Variants in RTKN2 observed in about 807,000 individuals in gnomAD.
The protein encoded by RTKN2 is rhotekin-2.
In RTKN2, 69 loss-of-function variants were observed where a neutral mutation model predicts 71.5. The ratio of observed to expected loss-of-function variants is 0.96; its 90% CI spans 0.79 to 1.18. RTKN2 has a LOEUF of 1.18. Among genes scored for constraint, RTKN2 ranks in the 50% most tolerant of loss-of-function variants. The pLI, the probability that RTKN2 is intolerant of heterozygous loss-of-function variation, is 0.00. For missense variants in RTKN2, 724 were observed against 719.7 expected, an observed-to-expected ratio of 1.01 and a Z score of -0.07; for synonymous variants, 236 against 236.5, an observed-to-expected ratio of 1.00 and a Z score of 0.02.
downstream of RTKN2, among the ~76,000 whole-genome samples, chr10:62,192,553 G>A (rs181954084): frequency 1.7e-4 from 26 of 152,276 alleles, no homozygotes; most frequent in Middle Eastern, 3.4e-3. Context: ...GGAAATTATC[G>A]TGGTGGGCAT....
intron 6 of RTKN2, among the ~76,000 whole-genome samples, chr10:62,232,951 GAAGT>G (rs1248784622): frequency 6.6e-6 from 1 of 152,096 alleles, no homozygotes; most frequent in Non-Finnish European, 1.5e-5. Flanking sequence ...TTGGGTCACA[GAAGT>G]AATAAATTAC....
intron 6 of RTKN2, among the ~76,000 whole-genome samples, chr10:62,229,810 A>C (rs978280981): frequency 1.1e-4 from 16 of 152,204 alleles, no homozygotes; most frequent in African/African-American, 3.9e-4. Flanking sequence ...ATTGTGACTA[A>C]GACATCTTTT....
At chr10:62,257,528 T>C (rs1414505653) in intron 2 of RTKN2, among the ~76,000 whole-genome samples, 1 of 152,210 alleles carries the variant, frequency 6.6e-6, no homozygotes. Flanking sequence ...CACTTCAGTG[T>C]AAGCAAACAC....
chr10:62,234,011 G>T (rs904804261), intron 6 of RTKN2, among the ~76,000 whole-genome samples: 1 of 152,108 alleles, frequency 6.6e-6, no homozygotes, highest in African/African-American at 2.4e-5. Flanking sequence ...TTTAAAGAAG[G>T]TATCTGAAGG....
At chr10:62,190,247 A>G (rs183902712), downstream of RTKN2, among the ~76,000 whole-genome samples, 106 of 152,280 alleles carry the variant, frequency 7.0e-4, no homozygotes, top group Middle Eastern at 3.4e-3. Flanking sequence ...CCTTGGTCTC[A>G]ATGCTTTTTT....
chr10:62,242,491 T>C (rs1370799195), intron 3 of RTKN2, among the ~76,000 whole-genome samples: 7 of 152,220 alleles, frequency 4.6e-5, no homozygotes, highest in African/African-American at 1.7e-4. Context: ...AATTAGTTAT[T>C]GTTGATTTTA....
chr10:62,225,999 G>A (rs1312454142), intron 6 of RTKN2, among the ~76,000 whole-genome samples: 2 of 152,132 alleles, frequency 1.3e-5, no homozygotes, highest in South Asian at 4.2e-4. Context: ...GCCAGGAATG[G>A]TCTCGATCTC....
chr10:62,224,280 A>T (rs1422051537), intron 6 of RTKN2, among the ~76,000 whole-genome samples: 1 of 152,126 alleles, frequency 6.6e-6, no homozygotes, highest in Non-Finnish European at 1.5e-5. Flanking sequence ...ATGCTTGTAC[A>T]ACATGAATGT....
chr10:62,229,999 A>G (rs1001229975), intron 6 of RTKN2, among the ~76,000 whole-genome samples: 42 of 152,186 alleles, frequency 2.8e-4, no homozygotes, highest in African/African-American at 9.4e-4. Flanking sequence ...AATTCTGAAG[A>G]AAGTTGAATG....
In RTKN2 at chr10:62,198,029, A is replaced by C. The variant is rs1841363811; in HGVS notation, c.1709T>G (p.Leu570Ter). Residue 570 changes from leucine to a stop codon, truncating the protein, a stop_gained, in exon 12 of 12, where the codon TTA becomes TGA. Transcript: ENST00000373789. LOFTEE classifies it high-confidence loss of function. ...RKLLPARRNR[L>*]SDGEHTDTKT... ...AGTGTCTGTGTGCTCACCATCACTT[A>C]ATCTATTTCTCCTGGCAGGCAGAAG... 1 of 1,613,998 alleles carries C rather than the reference A, an allele frequency of 6.2e-7. No individual in the cohort carries two copies. The highest frequency in any genetic ancestry group is 1.6e-4 in the Middle Eastern group (1 of 6,062).
intron 9 of RTKN2, among the ~76,000 whole-genome samples, chr10:62,206,760 T>A (rs1391901524): frequency 6.6e-6 from 1 of 151,990 alleles, no homozygotes; most frequent in Admixed American, 6.6e-5. Flanking sequence ...CATAATAGAG[T>A]CTTTTTACAC....
At position 62,193,914 on chromosome 10, in the gene RTKN2, T is replaced by C. The variant is rs1283339316; in HGVS notation, c.*3994A>G. 9 of 983,628 alleles carry C rather than the reference T, an allele frequency of 9.1e-6. No individual in the cohort carries two copies. In the East Asian group the frequency reaches 5.7e-4, roughly 62 times the overall value. 60.9% of individuals were successfully genotyped at this position (983,628 alleles called of 1,614,324 possible). A position where few individuals can be genotyped will look rare whatever the true frequency, so the allele number is the denominator to read the frequency against. On this transcript the variant is annotated 3_prime_UTR_variant, in exon 12 of 12. Transcript: ENST00000373789. The stretch of plus-strand genomic sequence containing the variant: ...GCACCAGCTACTTGGTATGTCTTTT[T>C]CTGATTAAACTGATTCCACCACACT...
At position 62,196,760 on chromosome 10, in the gene RTKN2, T is replaced by G; in HGVS notation, c.*1148A>C. 1.0e-6 allele frequency: 1 copy of G among 980,098 alleles called. No homozygotes were observed. The highest frequency in any genetic ancestry group is 4.7e-5 in the South Asian group (1 of 21,180). The allele number at this position is 980,098 out of a possible 1,614,324, so 60.7% of individuals were successfully genotyped here. A position where few individuals can be genotyped will look rare whatever the true frequency, so the allele number is the denominator to read the frequency against. Reference sequence around the variant, plus strand: ...AAACTGTTTTATTTGGAAATTCTAATTAGATTTTTAAAACTGTTCTGCTCT... The same window carrying G: ...AAACTGTTTTATTTGGAAATTCTAAGTAGATTTTTAAAACTGTTCTGCTCT... On this transcript the variant is annotated 3_prime_UTR_variant, in exon 12 of 12. Transcript: ENST00000373789.
chr10:62,247,154 G>T (rs1187005680), intron 2 of RTKN2, among the ~76,000 whole-genome samples: 1 of 151,828 alleles, frequency 6.6e-6, no homozygotes, highest in East Asian at 1.9e-4. Context: ...GTTTGAAATG[G>T]GACTTTATCT....
chr10:62,263,451 ATT>A (rs1347204049), intron 1 of RTKN2, among the ~76,000 whole-genome samples: 3 of 152,190 alleles, frequency 2.0e-5, no homozygotes, highest in African/African-American at 7.2e-5. Context: ...TTGAGAATAA[ATT>A]TCTCTTGTTT....
intron 9 of RTKN2, among the ~76,000 whole-genome samples, chr10:62,205,593 T>C (rs1240017917): frequency 6.6e-6 from 1 of 152,200 alleles, no homozygotes; most frequent in Non-Finnish European, 1.5e-5. Flanking sequence ...ACAAAGTTCA[T>C]AGCTAAAGAT....
intron 2 of RTKN2, among the ~76,000 whole-genome samples, chr10:62,256,776 A>C (rs1267449158): frequency 2.6e-5 from 4 of 152,074 alleles, no homozygotes; most frequent in Admixed American, 2.6e-4. Flanking sequence ...TGGACAACCT[A>C]GGGGGAGAAT....
At chr10:62,240,666 A>G (rs923064551) in intron 4 of RTKN2, among the ~76,000 whole-genome samples, 1 of 152,166 alleles carries the variant, frequency 6.6e-6, no homozygotes, top group African/African-American at 2.4e-5. Context: ...TGACCTAAGC[A>G]ATACACGGAT....
Position 62,193,534 on chromosome 10 carries a change from T to A in RTKN2, c.*4374A>T. On this transcript the variant is annotated 3_prime_UTR_variant, in exon 12 of 12. Coordinates refer to ENST00000373789, the MANE Select transcript of RTKN2 (RefSeq NM_145307.4). ...GGCCTCTCTCTGTAAAGTATTTTTT[T>A]AATTTTAAATATTTCTGATCACACT... 1.0e-6 allele frequency: 1 copy of A among 981,920 alleles called. No homozygotes were observed. The allele number at this position is 981,920 out of a possible 1,614,324, so 60.8% of individuals were successfully genotyped here. A position where few individuals can be genotyped will look rare whatever the true frequency, so the allele number is the denominator to read the frequency against.
Sources: gnomAD v4.1 joint callset for allele counts (sites outside exome capture counted in the v4.1 genomes callset) on GRCh38, gnomAD v4.1.1 for gene constraint, MANE v1.5 for transcripts, NCBI Gene and HGNC (gene_info 2026-07-23, HGNC 2026-07-21) for gene names.